TSHR: variants seen among roughly 807,000 people sequenced by gnomAD.
TSHR encodes the protein thyroid stimulating hormone receptor.
A neutral mutation model predicts 64.1 loss-of-function variants in TSHR; 51 were observed. The ratio of observed to expected loss-of-function variants is 0.80; its 90% CI spans 0.64 to 1.01. The LOEUF is 1.01. Among genes scored for constraint, TSHR ranks in the 50% least tolerant of loss-of-function variants. The pLI is 0.00. For missense variants in TSHR, 877 were observed against 942.8 expected (o/e 0.93, Z 0.91); for synonymous variants, 361 against 361.9 (o/e 1.00, Z 0.03).
At chr14:80,955,966 A>ATGTGTGAGTGAATGTC in intron 1 of TSHR, 116 bp downstream of exon 1, 1 of 1,259,192 alleles carries the variant, frequency 7.9e-7, no homozygotes, top group Non-Finnish European at 1.1e-6. Flanking sequence ...GAGTGTGTGT[A>ATGTGTGAGTGAATGTC]TGTGTGAGTG....
At chr14:81,015,542 G>A (rs72689907) in intron 1 of TSHR, among the ~76,000 whole-genome samples, 15,756 of 151,984 alleles carry the variant, frequency 0.1, 1,031 homozygotes, top group East Asian at 0.32. Context: ...GGTGTACAAC[G>A]TGATGCTTTG....
chr14:81,114,451 C>G (rs529139426), intron 8 of TSHR, among the ~76,000 whole-genome samples: 1 of 152,294 alleles, frequency 6.6e-6, no homozygotes, highest in East Asian at 1.9e-4. Context: ...CGCTCCCACC[C>G]GAATACTGCG....
chr14:81,038,681 T>A (rs1176576461), intron 1 of TSHR, among the ~76,000 whole-genome samples: 1 of 149,302 alleles, frequency 6.7e-6, no homozygotes, highest in Non-Finnish European at 1.5e-5. Flanking sequence ...ATACAGAGAA[T>A]CATAAGAGAC....
intron 8 of TSHR, among the ~76,000 whole-genome samples, chr14:81,129,297 G>GT: frequency 6.6e-6 from 1 of 152,158 alleles, no homozygotes; most frequent in East Asian, 1.9e-4. Flanking sequence ...ACATTTCACT[G>GT]TCTCTCACCT....
chr14:81,089,888 C>T (rs1331084219), intron 4 of TSHR, among the ~76,000 whole-genome samples: 2 of 152,146 alleles, frequency 1.3e-5, no homozygotes, highest in Admixed American at 1.3e-4. Flanking sequence ...ACCTCTGGCT[C>T]CTGCTGCCTC....
At position 81,118,964 on chromosome 14, in the gene TSHR, T is replaced by G. The variant is rs868464398; in HGVS notation, c.692+10512T>G. On this transcript the variant is annotated intron_variant, in intron 8 of 9. Coordinates refer to ENST00000298171, the MANE Select transcript of TSHR (RefSeq NM_000369.5). ...ATTTAATAAATGGTGCTGGGAAAACTGGCTAGCCATATGTAGAAAGCTGAA... is the reference window on the plus strand; with the variant it reads ...ATTTAATAAATGGTGCTGGGAAAACGGGCTAGCCATATGTAGAAAGCTGAA... Among the ~76,000 whole-genome samples the G allele has an allele frequency of 1.9e-3, 270 of 144,834 alleles. No homozygotes were observed. The Middle Eastern group carries it at 0.024, about 13-fold the overall frequency.
rs1887159784 is a variant in TSHR, at chr14:81,072,633, T to C, written c.317+4305T>C. ...GCATTTACATTAACTGCATTAAATG[T>C]AAAAGGACTAAATACTCTAAGTAAA... On this transcript the variant is annotated intron_variant, in intron 3 of 9. Transcript: ENST00000298171. Among the ~76,000 whole-genome samples the C allele has an allele frequency of 3.3e-5, 5 of 152,172 alleles. 1 individual carries two copies. The South Asian group carries it at 1.0e-3, about 32-fold the overall frequency.
chr14:81,000,781 T>TTC (rs1555370259), intron 1 of TSHR, among the ~76,000 whole-genome samples: 1 of 151,902 alleles, frequency 6.6e-6, no homozygotes, highest in Admixed American at 6.6e-5. Flanking sequence ...GGTTTGTTTT[T>TTC]CCCTTGCTGG....
chr14:81,096,687 T>C lies in TSHR; in HGVS notation c.594T>C (p.Asn198=), dbSNP rs754568337. Residue 198 remains asparagine, a synonymous_variant, in exon 7 of 10, where the codon AAT becomes AAC. Coordinates refer to ENST00000298171, the MANE Select transcript of TSHR (RefSeq NM_000369.5). ...GFTSVQGYAF[N]GTKLDAVYLN... ...CTTCAGTCCAAGGATATGCTTTCAA[T>C]GGGACAAAGCTGGATGCTGTGTAAG... 11 of 1,613,774 alleles carry C rather than the reference T, an allele frequency of 6.8e-6. No homozygotes were observed. The highest frequency in any genetic ancestry group is 9.3e-6 in the Non-Finnish European group (11 of 1,179,726).
At position 81,004,510 on chromosome 14, in the gene TSHR, T is replaced by C. The variant is rs73349935; in HGVS notation, c.170+48660T>C. Among the ~76,000 whole-genome samples the C allele has an allele frequency of 6.9e-3, 1,058 of 152,310 alleles. 11 individuals are homozygous for C. Among genetic ancestry groups the C allele is most frequent in the African/African-American group, 0.024 (992 of 41,552 alleles). On this transcript the variant is annotated intron_variant, in intron 1 of 9. Transcript: ENST00000298171. ...ACACCTCCATTGACACTGCACATAC[T>C]ATTCCCCTTGCCTGGAGTGTCCTCC...
intron 1 of TSHR, among the ~76,000 whole-genome samples, chr14:80,964,678 T>G (rs1887203891): frequency 6.6e-6 from 1 of 152,212 alleles, no homozygotes; most frequent in South Asian, 2.1e-4. Context: ...TCCTTAGATC[T>G]TCAAAGGTGT....
At chr14:80,981,497 G>A (rs75126331) in intron 1 of TSHR, among the ~76,000 whole-genome samples, 105 of 152,240 alleles carry the variant, frequency 6.9e-4, no homozygotes, top group African/African-American at 2.2e-3. Context: ...TGTGGAGGCT[G>A]TGACTCTTCT....
chr14:80,998,365 A>G (rs1377115417), intron 1 of TSHR, among the ~76,000 whole-genome samples: 1 of 152,102 alleles, frequency 6.6e-6, no homozygotes, highest in Non-Finnish European at 1.5e-5. Context: ...CAGAACAGAT[A>G]AGTTGCCCAC....
chr14:81,061,997 T>C (rs1886280000), intron 1 of TSHR, 151 bp from the exon 2 acceptor site: 1 of 649,410 alleles, frequency 1.5e-6, no homozygotes, highest in Non-Finnish European at 2.6e-6. Flanking sequence ...TTCTTTGGTA[T>C]GTTTGTTGAG....
At chr14:80,969,116 A>G (rs1248469441) in intron 1 of TSHR, among the ~76,000 whole-genome samples, 2 of 152,166 alleles carry the variant, frequency 1.3e-5, no homozygotes, top group East Asian at 3.8e-4. Context: ...TTGGCTATTG[A>G]TTCAGCTCAT....
chr14:81,110,452 G>A (rs573441466), intron 8 of TSHR, among the ~76,000 whole-genome samples: 1 of 152,216 alleles, frequency 6.6e-6, no homozygotes, highest in African/African-American at 2.4e-5. Context: ...AAGCCAGGGA[G>A]AGAGGCCTCA....
intron 1 of TSHR, among the ~76,000 whole-genome samples, chr14:81,039,956 A>G (rs972339671): frequency 6.6e-6 from 1 of 152,006 alleles, no homozygotes; most frequent in African/African-American, 2.4e-5. Flanking sequence ...TTTCAAAGAA[A>G]TAGAAAAAAC....
intron 1 of TSHR, chr14:81,033,071 C>A (rs1200523802): frequency 5.6e-6 from 2 of 357,900 alleles, no homozygotes; most frequent in Non-Finnish European, 5.5e-6. Flanking sequence ...CAAATCATGG[C>A]AGACTATGGG....
intron 8 of TSHR, chr14:81,108,898 C>A: frequency 7.0e-7 from 1 of 1,427,546 alleles, no homozygotes; most frequent in South Asian, 1.5e-5. Context: ...GAAGAACTTA[C>A]AATCATGGGG....
Sources: gnomAD v4.1 joint callset for allele counts (sites outside exome capture counted in the v4.1 genomes callset) on GRCh38, gnomAD v4.1.1 for gene constraint, MANE v1.5 for transcripts, NCBI Gene and HGNC (gene_info 2026-07-23, HGNC 2026-07-21) for gene names.